BRINP3: variants seen among roughly 807,000 people sequenced by gnomAD.
BRINP3 encodes BMP/retinoic acid inducible neural specific 3.
Under a neutral mutation model 71.0 loss-of-function variants are expected in BRINP3, and 19 were observed. The observed-to-expected ratio is 0.27, with a 90% CI of 0.19 to 0.39. The LOEUF is 0.39. Among genes scored for constraint, BRINP3 ranks in the 10% least tolerant of loss-of-function variants. BRINP3 has a pLI of 1.00. For missense variants in BRINP3, 959 were observed against 940.8 expected, an observed-to-expected ratio of 1.02 and a Z score of -0.25; for synonymous variants, 380 against 337.7, an observed-to-expected ratio of 1.13 and a Z score of -1.37.
intron 4 of BRINP3, among the ~76,000 whole-genome samples, chr1:190,258,465 C>T (rs1660874159): frequency 6.6e-6 from 1 of 151,554 alleles, no homozygotes; most frequent in Non-Finnish European, 1.5e-5. Flanking sequence ...ACTAAAAGCT[C>T]ATTCTTGGAA....
At chr1:190,205,954 T>C (rs1019454500) in intron 6 of BRINP3, among the ~76,000 whole-genome samples, 6 of 152,086 alleles carry the variant, frequency 3.9e-5, no homozygotes, top group East Asian at 2.0e-4. Flanking sequence ...CTTTATGTTA[T>C]GACAAATTAC....
intron 2 of BRINP3, among the ~76,000 whole-genome samples, chr1:190,318,887 TAAC>T (rs1448125923): frequency 6.6e-6 from 1 of 152,124 alleles, no homozygotes; most frequent in African/African-American, 2.4e-5. Flanking sequence ...TAGTATGTAA[TAAC>T]AAAGCGCAGA....
intron 4 of BRINP3, among the ~76,000 whole-genome samples, chr1:190,259,316 G>A (rs1326594873): frequency 6.7e-6 from 1 of 149,794 alleles, no homozygotes; most frequent in Non-Finnish European, 1.5e-5. Context: ...TTAGCCCAAA[G>A]AATGCAAAGT....
chr1:190,250,001 G>C (rs1175840081), intron 4 of BRINP3, among the ~76,000 whole-genome samples: 1 of 151,882 alleles, frequency 6.6e-6, no homozygotes, highest in Non-Finnish European at 1.5e-5. Flanking sequence ...AAATTAGATA[G>C]AAAATGGATA....
At chr1:190,472,232 A>G (rs1677183858) in intron 1 of BRINP3, among the ~76,000 whole-genome samples, 1 of 151,680 alleles carries the variant, frequency 6.6e-6, no homozygotes, top group South Asian at 2.1e-4. Flanking sequence ...ATAAATGAAG[A>G]GTGGTCAAGA....
intron 2 of BRINP3, among the ~76,000 whole-genome samples, chr1:190,390,814 C>G (rs12061666): frequency 6.6e-6 from 1 of 151,764 alleles, no homozygotes; most frequent in African/African-American, 2.4e-5. Flanking sequence ...AGAAATTATG[C>G]TAAGTGACCT....
intron 4 of BRINP3, among the ~76,000 whole-genome samples, chr1:190,239,110 G>A (rs1452839502): frequency 1.3e-5 from 2 of 152,150 alleles, no homozygotes; most frequent in East Asian, 1.9e-4. Flanking sequence ...TTACTATCAC[G>A]AGAACAGTTT....
At chr1:190,144,367 G>A (rs1023032011) in intron 7 of BRINP3, among the ~76,000 whole-genome samples, 10 of 152,022 alleles carry the variant, frequency 6.6e-5, no homozygotes, top group Admixed American at 4.6e-4. Context: ...TAGGGCAGGG[G>A]AATTCATGAT....
At chr1:190,455,780 T>C (rs1190584213) in intron 1 of BRINP3, among the ~76,000 whole-genome samples, 3 of 152,162 alleles carry the variant, frequency 2.0e-5, no homozygotes, top group Non-Finnish European at 4.4e-5. Flanking sequence ...AGACTATTCA[T>C]AGACTTTGAA....
chr1:190,194,049 C>T (rs1352068967), intron 6 of BRINP3, among the ~76,000 whole-genome samples: 2 of 152,106 alleles, frequency 1.3e-5, no homozygotes, highest in East Asian at 3.9e-4. Flanking sequence ...CTTTCCTTGT[C>T]TAAGTTGTTC....
At chr1:190,232,968 A>G (rs776642440) in intron 5 of BRINP3, among the ~76,000 whole-genome samples, 5 of 152,126 alleles carry the variant, frequency 3.3e-5, no homozygotes, top group Non-Finnish European at 5.9e-5. Context: ...TAAATCTATA[A>G]TTGATATTGA....
chr1:190,160,662 T>TA lies in BRINP3; in HGVS notation c.1184+5_1184+6insT. 6.2e-7 allele frequency: 1 copy of TA among 1,609,994 alleles called. No individual in the cohort carries two copies. The highest frequency in any genetic ancestry group is 8.5e-7 in the Non-Finnish European group (1 of 1,178,136). On this transcript the variant is annotated splice_donor_region_variant and intron_variant, in intron 7 of 7. Transcript: ENST00000367462. ...TTAATTGCTTACATTACCACAAATG[T>TA]CTTACCTTTGTCTTGGCAGGCTGAT...
At chr1:190,272,466 T>C (rs759120241) in intron 3 of BRINP3, among the ~76,000 whole-genome samples, 36 of 151,448 alleles carry the variant, frequency 2.4e-4, no homozygotes, top group Non-Finnish European at 3.7e-4. Flanking sequence ...TATTCTTCTT[T>C]CAATTATCTG....
intron 2 of BRINP3, among the ~76,000 whole-genome samples, chr1:190,398,549 AT>A (rs1396992078): frequency 6.6e-6 from 1 of 151,964 alleles, no homozygotes; most frequent in Non-Finnish European, 1.5e-5. Flanking sequence ...TATAATTTCT[AT>A]CATATTATCC....
chr1:190,462,175 G>C (rs754197425), intron 1 of BRINP3, among the ~76,000 whole-genome samples: 9 of 152,054 alleles, frequency 5.9e-5, no homozygotes, highest in Non-Finnish European at 1.3e-4. Flanking sequence ...GTCTCCCAAA[G>C]TGCTGGGATT....
In BRINP3 at chr1:190,278,288, C is replaced by G. The variant is rs981942922; in HGVS notation, c.427+3272G>C. 2.0e-5 allele frequency among the ~76,000 whole-genome samples: 3 copies of G among 151,644 alleles called. No homozygotes were observed. The Admixed American group carries it at 2.0e-4, about 10-fold the overall frequency. On this transcript the variant is annotated intron_variant, in intron 3 of 7. Transcript: ENST00000367462. ...AAGGTTTGCTTATATACATTACACC[C>G]TAGTGTTATAAGTTTTTCCTTGGTC...
chr1:190,189,014 C>G (rs1345796773), intron 6 of BRINP3, among the ~76,000 whole-genome samples: 1 of 152,090 alleles, frequency 6.6e-6, no homozygotes, highest in African/African-American at 2.4e-5. Context: ...CCTGCCTCGA[C>G]CTCCCAAAGT....
intron 7 of BRINP3, among the ~76,000 whole-genome samples, chr1:190,134,105 A>T (rs184688734): frequency 1.3e-5 from 2 of 152,206 alleles, no homozygotes; most frequent in Admixed American, 1.3e-4. Flanking sequence ...AAATTTTAAG[A>T]AAGCGTTAAG....
intron 2 of BRINP3, among the ~76,000 whole-genome samples, chr1:190,304,981 A>G (rs955457203): frequency 2.6e-5 from 4 of 152,018 alleles, no homozygotes; most frequent in African/African-American, 9.7e-5. Context: ...TCAAAAGAAG[A>G]CATACAAATG....
Sources: gnomAD v4.1 joint callset for allele counts (sites outside exome capture counted in the v4.1 genomes callset) on GRCh38, gnomAD v4.1.1 for gene constraint, MANE v1.5 for transcripts, NCBI Gene and HGNC (gene_info 2026-07-23, HGNC 2026-07-21) for gene names.